ADCY10: variants seen among roughly 807,000 people sequenced by gnomAD.
ADCY10 encodes adenylate cyclase 10.
In ADCY10, 156 loss-of-function variants were observed where a neutral mutation model predicts 183.3. The ratio of observed to expected loss-of-function variants is 0.85; its 90% CI spans 0.75 to 0.97. The LOEUF (loss-of-function observed/expected upper bound fraction) is 0.97, where lower values mean the gene tolerates loss of function less well. Ranked by LOEUF, ADCY10 falls within the 50% of genes least tolerant of loss-of-function variation. The probability of loss-of-function intolerance (pLI) is 0.00; values close to 1 mark genes in which losing one functional copy is unlikely to be tolerated. For synonymous variants in ADCY10, 645 were observed against 670.0 expected (o/e 0.96, Z 0.58); for missense variants, 1,745 against 1,934.3 (o/e 0.90, Z 1.84).
chr1:167,884,956 A>G (rs1668126918), intron 8 of ADCY10, among the ~76,000 whole-genome samples: 1 of 152,116 alleles, frequency 6.6e-6, no homozygotes, highest in African/African-American at 2.4e-5. Flanking sequence ...TTGGCCTCCC[A>G]AAGTGCTGGG....
At chr1:167,822,721 ACAGT>A (rs1233517064) in intron 29 of ADCY10, among the ~76,000 whole-genome samples, 2 of 152,202 alleles carry the variant, frequency 1.3e-5, no homozygotes, top group South Asian at 2.1e-4. Flanking sequence ...ACATAGTAAG[ACAGT>A]CAGCCACTAT....
rs940778225 is a variant in ADCY10, at chr1:167,896,577, T to C, written c.739+18A>G. ...CCACTGGTAGAGGCAAAGGCATTTTTCCATGGTGGGTACTTACTTTTGTGC... is the reference window on the plus strand; with the variant it reads ...CCACTGGTAGAGGCAAAGGCATTTTCCCATGGTGGGTACTTACTTTTGTGC... On this transcript the variant is annotated intron_variant, in intron 7 of 32. Transcript: ENST00000367851. 6 of 1,589,046 alleles carry C rather than the reference T, an allele frequency of 3.8e-6. No homozygotes were observed. In the Admixed American group the frequency reaches 5.0e-5, roughly 13 times the overall value.
intron 14 of ADCY10, among the ~76,000 whole-genome samples, chr1:167,866,289 C>CA (rs1666678956): frequency 6.6e-6 from 1 of 152,162 alleles, no homozygotes; most frequent in Non-Finnish European, 1.5e-5. Context: ...TTTCGACTCT[C>CA]ACGTCCATTT....
At chr1:167,846,700 C>T (rs1360793777) in intron 19 of ADCY10, among the ~76,000 whole-genome samples, 1 of 152,186 alleles carries the variant, frequency 6.6e-6, no homozygotes, top group Non-Finnish European at 1.5e-5. Context: ...TGGTTTCTCT[C>T]TATCTGCCCT....
Position 167,870,344 on chromosome 1 carries a change from T to A in ADCY10, c.1529A>T (p.Gln510Leu). 6.2e-7 allele frequency: 1 copy of A among 1,613,916 alleles called. No homozygotes were observed. The highest frequency in any genetic ancestry group is 8.5e-7 in the Non-Finnish European group (1 of 1,179,838). ...TGGTAATCCCTCATACATTAAGACT[T>A]GGCTGCTGTTAGATATCAAAAATTT... The part of the protein sequence containing the change: ...MKKFLISNSS[Q>L]VLMYEGLPGY... The change falls in exon 14 of 33, where the codon CAA becomes CTA. Residue 510 changes from glutamine to leucine, a missense_variant. Transcript: ENST00000367851.
At chr1:167,820,478 A>C in intron 30 of ADCY10, 1 of 401,002 alleles carries the variant, frequency 2.5e-6, no homozygotes, top group Non-Finnish European at 4.4e-6. Context: ...CAGCTGTTTA[A>C]AAAATTCTCC....
chr1:167,835,331 T>C (rs1664119366), intron 23 of ADCY10, among the ~76,000 whole-genome samples: 2 of 152,222 alleles, frequency 1.3e-5, no homozygotes, highest in Admixed American at 6.5e-5. Flanking sequence ...TCTCAGCATA[T>C]CAAAGGCCCT....
At chr1:167,899,879 C>T (rs1393617550) in intron 5 of ADCY10, among the ~76,000 whole-genome samples, 1 of 152,196 alleles carries the variant, frequency 6.6e-6, no homozygotes, top group Non-Finnish European at 1.5e-5. Context: ...ACTACATGGT[C>T]CTACCAGTCC....
intron 18 of ADCY10, among the ~76,000 whole-genome samples, chr1:167,853,190 T>C (rs1046861672): frequency 1.3e-4 from 20 of 152,206 alleles, no homozygotes; most frequent in African/African-American, 4.8e-4. Context: ...GTAATATTAA[T>C]ACACGTCGTG....
rs534480122 is a variant in ADCY10, at chr1:167,846,222, G to C, written c.2479C>G (p.Gln827Glu). ...ATGGCAGCACATCTCACCAGCATTT[G>C]GTGGGAAAGTCTCATGCTATCCAGC... ...IQLDSMRLSH[Q>E]MLVRCAAIIG... is the part of the protein sequence containing the mutation. The change falls in exon 20 of 33, where the codon CAA (glutamine) becomes GAA (glutamate). Residue 827 changes from glutamine to glutamate, a missense_variant. By Grantham distance (29) the Gln-to-Glu change is conservative. Coordinates refer to ENST00000367851, the MANE Select transcript of ADCY10 (RefSeq NM_018417.6). 1 of 1,614,186 alleles carries C rather than the reference G, an allele frequency of 6.2e-7. No individual in the cohort carries two copies. Among genetic ancestry groups the C allele is most frequent in the South Asian group, 1.1e-5 (1 of 91,078 alleles).
intron 30 of ADCY10, chr1:167,819,866 G>T (rs1662777230): frequency 5.0e-6 from 4 of 799,796 alleles, no homozygotes; most frequent in Admixed American, 2.1e-5. Flanking sequence ...CGCCCGGCAT[G>T]ATTTTCTAAT....
At chr1:167,872,997 G>C (rs1221807319) in intron 13 of ADCY10, among the ~76,000 whole-genome samples, 3 of 151,820 alleles carry the variant, frequency 2.0e-5, no homozygotes, top group Non-Finnish European at 4.4e-5. Flanking sequence ...TTGAACCCGG[G>C]ACGCAGAGGT....
At position 167,833,173 on chromosome 1, in the gene ADCY10, G is replaced by A. The variant is rs776145392; in HGVS notation, c.3418-11C>T. ...CATATTGAAACAGACCTACAGGGAG[G>A]TGGGAGGGAAGAGAGGAAAAGAGGA... is the stretch of plus-strand genomic sequence containing the variant. On this transcript the variant is annotated splice_polypyrimidine_tract_variant and intron_variant, in intron 24 of 32. Coordinates refer to ENST00000367851, the MANE Select transcript of ADCY10 (RefSeq NM_018417.6). 5 of 1,613,636 alleles carry A rather than the reference G, an allele frequency of 3.1e-6. No individual in the cohort carries two copies. The highest frequency in any genetic ancestry group is 2.2e-5 in the South Asian group (2 of 91,076).
At position 167,810,886 on chromosome 1, in the gene ADCY10, TATTTTGAGCCACCAG is replaced by T; in HGVS notation, c.4495_4509del (p.Leu1499_Asn1503del). 6.2e-7 allele frequency: 1 copy of T among 1,614,154 alleles called. No homozygotes were observed. Among genetic ancestry groups the T allele is most frequent in the Non-Finnish European group, 8.5e-7 (1 of 1,180,010 alleles). ...CTTGGGCAAAAGACAGGGCCAGTGGTATTTTGAGCCACCAGATTCTCCAAGTTCTAAAGAAAAAAA... is the reference window on the plus strand; with the variant it reads ...CTTGGGCAAAAGACAGGGCCAGTGGTATTCTCCAAGTTCTAAAGAAAAAAA... On this transcript the variant is annotated inframe_deletion, in exon 32 of 33. Coordinates refer to ENST00000367851, the MANE Select transcript of ADCY10 (RefSeq NM_018417.6).
intron 8 of ADCY10, among the ~76,000 whole-genome samples, chr1:167,888,518 G>A (rs987709745): frequency 7.3e-5 from 11 of 151,614 alleles, no homozygotes; most frequent in Admixed American, 2.0e-4. Context: ...TTTATTTTTA[G>A]CTATTGTTAA....
chr1:167,899,502 A>G lies in ADCY10; in HGVS notation c.563T>C (p.Ile188Thr). 1.2e-6 allele frequency: 2 copies of G among 1,614,206 alleles called. No homozygotes were observed. The highest frequency in any genetic ancestry group is 2.2e-5 in the South Asian group (2 of 91,082). The change falls in exon 6 of 33, where the codon ATT becomes ACT. Residue 188 changes from isoleucine to threonine, a missense_variant. Coordinates refer to ENST00000367851, the MANE Select transcript of ADCY10 (RefSeq NM_018417.6). ...AQNMAQMNDV[I>T]LSPNCWQLCD... ...GAGCTGCCAGCAGTTTGGTGACAGA[A>G]TAACATCATTCATCTGAGCCATGTT... is the stretch of plus-strand genomic sequence containing the variant.
chr1:167,904,839 TTTC>T, intron 2 of ADCY10, 151 bp downstream of exon 2: 1 of 963,662 alleles, frequency 1.0e-6, no homozygotes. Context: ...CCACAAGCTA[TTTC>T]CTCCCTCTTG....
chr1:167,812,380 T>C (rs1120205), intron 31 of ADCY10, among the ~76,000 whole-genome samples: 10,340 of 152,012 alleles, frequency 0.068, 438 homozygotes, highest in Middle Eastern at 0.16. Context: ...AAAGGAAAAT[T>C]AGAAAGTGAC....
intron 3 of ADCY10, among the ~76,000 whole-genome samples, chr1:167,903,642 G>C (rs1323023704): frequency 6.6e-6 from 1 of 152,118 alleles, no homozygotes; most frequent in Non-Finnish European, 1.5e-5. Context: ...TTTAAAAGCA[G>C]TGTATAATTC....
Sources: gnomAD v4.1 joint callset for allele counts (sites outside exome capture counted in the v4.1 genomes callset) on GRCh38, gnomAD v4.1.1 for gene constraint, MANE v1.5 for transcripts, NCBI Gene and HGNC (gene_info 2026-07-23, HGNC 2026-07-21) for gene names.